Variants in SLC35F3 observed in about 807,000 individuals in gnomAD.
The protein encoded by SLC35F3 is solute carrier family 35 member F3.
A neutral mutation model predicts 49.9 loss-of-function variants in SLC35F3; 25 were observed. The observed-to-expected ratio is 0.50, with a 90% CI of 0.37 to 0.70. The LOEUF (loss-of-function observed/expected upper bound fraction) is 0.70, where lower values mean the gene tolerates loss of function less well. Ranked by LOEUF, SLC35F3 falls within the 30% of genes least tolerant of loss-of-function variation. SLC35F3 has a pLI of 0.00. For missense variants in SLC35F3, 525 were observed against 639.8 expected, an observed-to-expected ratio of 0.82 and a Z score of 1.94; for synonymous variants, 275 against 265.4, an observed-to-expected ratio of 1.04 and a Z score of -0.35.
At chr1:233,932,699 C>G (rs1178477123) in intron 2 of SLC35F3, among the ~76,000 whole-genome samples, 1 of 152,126 alleles carries the variant, frequency 6.6e-6, no homozygotes, top group Non-Finnish European at 1.5e-5. Context: ...AGACATTGAT[C>G]CTTGATGGAT....
intron 2 of SLC35F3, among the ~76,000 whole-genome samples, chr1:233,928,482 G>A (rs949804177): frequency 3.9e-5 from 6 of 152,194 alleles, no homozygotes; most frequent in East Asian, 1.9e-4. Flanking sequence ...TTTGAATCCC[G>A]CTACCTGCTT....
At chr1:234,230,378 A>G (rs765113548) in intron 2 of SLC35F3, among the ~76,000 whole-genome samples, 1 of 151,720 alleles carries the variant, frequency 6.6e-6, no homozygotes, top group African/African-American at 2.4e-5. Flanking sequence ...TTTGACCCCA[A>G]TATATTCAGG....
At chr1:234,035,162 C>T (rs1664122094) in intron 2 of SLC35F3, among the ~76,000 whole-genome samples, 1 of 152,188 alleles carries the variant, frequency 6.6e-6, no homozygotes. Flanking sequence ...TGGTAGAACA[C>T]ATCATCTAGG....
At chr1:234,035,537 A>C (rs1664129842) in intron 2 of SLC35F3, among the ~76,000 whole-genome samples, 1 of 152,132 alleles carries the variant, frequency 6.6e-6, no homozygotes, top group Admixed American at 6.5e-5. Context: ...TATTATAAAT[A>C]ATTTGTTTCC....
At chr1:234,248,219 G>T (rs1242845790) in intron 3 of SLC35F3, among the ~76,000 whole-genome samples, 4 of 152,026 alleles carry the variant, frequency 2.6e-5, no homozygotes, top group Non-Finnish European at 5.9e-5. Context: ...GGGTTGGTTG[G>T]TTGGTCCATT....
At chr1:234,037,487 T>C (rs1274472734) in intron 2 of SLC35F3, among the ~76,000 whole-genome samples, 2 of 152,218 alleles carry the variant, frequency 1.3e-5, no homozygotes, top group African/African-American at 2.4e-5. Flanking sequence ...ATCACTATTC[T>C]GTTCACAAGA....
chr1:234,303,999 ATCCTTCCTTCCT>A lies in SLC35F3; in HGVS notation c.609-5067_609-5056del, dbSNP rs745697175. ...CTTTCTGGTTTAATCTCCTAATTTT[ATCCTTCCTTCCT>A]TCCTTCCTTCCTTCCTTCCTTCCTT... On this transcript the variant is annotated intron_variant, in intron 3 of 7. Transcript: ENST00000366618. Among the ~76,000 whole-genome samples, 7 of 125,422 alleles carry A rather than the reference ATCCTTCCTTCCT, an allele frequency of 5.6e-5. 1 individual carries two copies. Among genetic ancestry groups the A allele is most frequent in the East Asian group, 2.2e-4 (1 of 4,542 alleles). 82.3% of individuals were successfully genotyped at this position (125,422 alleles called of 152,430 possible).
chr1:234,062,928 A>T (rs1664565986), intron 2 of SLC35F3, among the ~76,000 whole-genome samples: 1 of 148,924 alleles, frequency 6.7e-6, no homozygotes, highest in Non-Finnish European at 1.5e-5. Context: ...TGACCTTGTG[A>T]TCCGCCCGCC....
chr1:234,126,961 C>G (rs1487071772), intron 2 of SLC35F3, among the ~76,000 whole-genome samples: 1 of 152,186 alleles, frequency 6.6e-6, no homozygotes, highest in African/African-American at 2.4e-5. Context: ...CCTCCCAAAG[C>G]ACTGGGATTA....
intron 2 of SLC35F3, among the ~76,000 whole-genome samples, chr1:233,975,596 A>C (rs1031835872): frequency 4.6e-5 from 7 of 152,208 alleles, no homozygotes; most frequent in African/African-American, 1.7e-4. Flanking sequence ...CATGATATCC[A>C]TGATGGGACT....
chr1:233,969,294 A>G (rs923460509), intron 2 of SLC35F3, among the ~76,000 whole-genome samples: 1 of 152,188 alleles, frequency 6.6e-6, no homozygotes, highest in African/African-American at 2.4e-5. Flanking sequence ...CAATGGGCAG[A>G]GAGTTCTGTG....
intron 3 of SLC35F3, among the ~76,000 whole-genome samples, chr1:234,236,925 T>TATATATATATATA (rs1491285612): frequency 8.3e-5 from 8 of 96,288 alleles, no homozygotes; most frequent in African/African-American, 2.4e-4. Flanking sequence ...AAAAAAAAAA[T>TATATATATATATA]TATATATATA....
intron 2 of SLC35F3, among the ~76,000 whole-genome samples, chr1:234,088,733 T>C (rs924003069): frequency 1.3e-5 from 2 of 152,138 alleles, no homozygotes; most frequent in Non-Finnish European, 2.9e-5. Context: ...ACACATGTCA[T>C]AAGGAATGTT....
Position 234,220,188 on chromosome 1 carries a change from C to T in SLC35F3, c.284-11229C>T, listed in dbSNP as rs112571198. On this transcript the variant is annotated intron_variant, in intron 2 of 7. Coordinates refer to ENST00000366618, the MANE Select transcript of SLC35F3 (RefSeq NM_173508.4). ...GGGTTATGAAATCTCTTTCATCAGT[C>T]GCAATAAGTATTTCTTATCAAAGGA... is the stretch of plus-strand genomic sequence containing the variant. Among the ~76,000 whole-genome samples, 16 of 152,084 alleles carry T rather than the reference C, an allele frequency of 1.1e-4. 1 individual carries two copies. The highest frequency in any genetic ancestry group is 3.9e-4 in the African/African-American group (16 of 41,382).
intron 2 of SLC35F3, among the ~76,000 whole-genome samples, chr1:234,021,288 G>A (rs1280256757): frequency 3.3e-5 from 5 of 152,150 alleles, no homozygotes; most frequent in Non-Finnish European, 7.3e-5. Context: ...ATGGAAGGAA[G>A]GCAGTGGGGG....
chr1:234,145,966 C>T (rs74343183), intron 2 of SLC35F3, among the ~76,000 whole-genome samples: 2,568 of 152,160 alleles, frequency 0.017, 60 homozygotes, highest in African/African-American at 0.054. Context: ...TATTTGCATG[C>T]GGAATCTTTT....
chr1:234,170,861 C>A (rs549706129), intron 2 of SLC35F3, among the ~76,000 whole-genome samples: 1 of 152,188 alleles, frequency 6.6e-6, no homozygotes, highest in African/African-American at 2.4e-5. Context: ...GTGGCCTTGC[C>A]GTGGGGACAG....
At chr1:234,127,111 G>A (rs1050326581) in intron 2 of SLC35F3, among the ~76,000 whole-genome samples, 2 of 152,138 alleles carry the variant, frequency 1.3e-5, no homozygotes, top group Non-Finnish European at 2.9e-5. Flanking sequence ...TCCATTTCGT[G>A]TGTATCAGTA....
At chr1:233,984,122 C>T (rs1663229061) in intron 2 of SLC35F3, among the ~76,000 whole-genome samples, 1 of 152,132 alleles carries the variant, frequency 6.6e-6, no homozygotes, top group African/African-American at 2.4e-5. Context: ...GTGCTTGGTC[C>T]CAGGAAGGTA....
Sources: allele counts gnomAD v4.1 joint callset (sites outside exome capture counted in the v4.1 genomes callset), GRCh38; gene constraint gnomAD v4.1.1; transcripts MANE v1.5; gene names NCBI Gene and HGNC (gene_info 2026-07-23, HGNC 2026-07-21).